The following CPNE4 variants were observed in gnomAD, a reference collection of about 807,000 sequenced individuals.
The protein encoded by CPNE4 is copine-4.
A neutral mutation model predicts 67.9 loss-of-function variants in CPNE4; 25 were observed. The observed-to-expected ratio is 0.37, with a 90% CI of 0.27 to 0.51. CPNE4 has a LOEUF of 0.51. CPNE4 is among the 20% of genes least tolerant of loss of function. The probability of loss-of-function intolerance (pLI) is 0.93; values close to 1 mark genes in which losing one functional copy is unlikely to be tolerated. For missense variants in CPNE4, 464 were observed against 690.8 expected (o/e 0.67, Z 3.68); for synonymous variants, 242 against 244.9 (o/e 0.99, Z 0.11).
At chr3:131,581,027 G>T (rs1217775553) in intron 9 of CPNE4, among the ~76,000 whole-genome samples, 2 of 151,976 alleles carry the variant, frequency 1.3e-5, no homozygotes, top group Non-Finnish European at 2.9e-5. Context: ...GAAAAAATTA[G>T]CTGGGCGTGG....
intron 2 of CPNE4, among the ~76,000 whole-genome samples, chr3:131,758,707 A>G (rs2082813947): frequency 1.3e-5 from 2 of 152,156 alleles, no homozygotes; most frequent in African/African-American, 4.8e-5. Context: ...CTAAACTTGA[A>G]TTGAATCTCC....
chr3:131,842,417 A>G (rs1230246967), intron 2 of CPNE4, among the ~76,000 whole-genome samples: 1 of 152,198 alleles, frequency 6.6e-6, no homozygotes, highest in Non-Finnish European at 1.5e-5. Context: ...AGGGATCCAG[A>G]TGACTGCATG....
chr3:131,542,272 A>G (rs546584208), intron 15 of CPNE4, among the ~76,000 whole-genome samples: 1 of 152,150 alleles, frequency 6.6e-6, no homozygotes, highest in Non-Finnish European at 1.5e-5. Flanking sequence ...GGCAAGCATC[A>G]GTGAAATTTT....
intron 2 of CPNE4, among the ~76,000 whole-genome samples, chr3:131,842,019 T>G (rs1286386237): frequency 2.6e-5 from 4 of 152,024 alleles, no homozygotes; most frequent in Admixed American, 2.6e-4. Context: ...TAGGAATAGA[T>G]GGAATAGAAA....
At chr3:131,958,312 G>A (rs956320234) in intron 1 of CPNE4, among the ~76,000 whole-genome samples, 1 of 152,166 alleles carries the variant, frequency 6.6e-6, no homozygotes, top group Non-Finnish European at 1.5e-5. Flanking sequence ...CAGGCAGCCT[G>A]ATTCTAACAA....
chr3:131,542,527 T>C (rs776786496), intron 15 of CPNE4, 30 bp downstream of exon 15: 75 of 1,486,536 alleles, frequency 5.0e-5, no homozygotes, highest in South Asian at 4.4e-4. Flanking sequence ...TGCTCTTCCA[T>C]GAAAAGTGCC....
intron 7 of CPNE4, among the ~76,000 whole-genome samples, chr3:131,616,486 A>G (rs1215705784): frequency 6.6e-6 from 1 of 152,126 alleles, no homozygotes; most frequent in Non-Finnish European, 1.5e-5. Flanking sequence ...TTCTTGCAAA[A>G]TCTTCCCAAA....
At chr3:131,742,183 A>T (rs546283391) in intron 2 of CPNE4, among the ~76,000 whole-genome samples, 2 of 152,182 alleles carry the variant, frequency 1.3e-5, no homozygotes, top group African/African-American at 4.8e-5. Context: ...AGTAAAGCCA[A>T]TTGCCTTCTC....
intron 1 of CPNE4, among the ~76,000 whole-genome samples, chr3:131,938,295 T>G (rs2071284766): frequency 6.6e-6 from 1 of 151,822 alleles, no homozygotes; most frequent in Non-Finnish European, 1.5e-5. Context: ...AGGTCAAAGC[T>G]GTAGTGAACT....
intron 3 of CPNE4, among the ~76,000 whole-genome samples, chr3:131,718,406 T>C (rs2081793258): frequency 6.6e-6 from 1 of 152,226 alleles, no homozygotes; most frequent in African/African-American, 2.4e-5. Context: ...GACCAGGCTT[T>C]TTCTTTTCTA....
At chr3:131,748,685 TCAAATGC>T (rs1468731489) in intron 2 of CPNE4, among the ~76,000 whole-genome samples, 1 of 152,144 alleles carries the variant, frequency 6.6e-6, no homozygotes, top group Non-Finnish European at 1.5e-5. Flanking sequence ...AGTGACATTG[TCAAATGC>T]CAAATGTCAA....
chr3:131,581,646 T>C lies in CPNE4; in HGVS notation c.800A>G (p.Asn267Ser), dbSNP rs375286668. ...CTTCTTCTTGGCTTTGTACTTGGGA[T>C]TGATGCACTCCCACTGCACCTGAAA... is the stretch of plus-strand genomic sequence containing the variant. ...EGKQVQWECINPKYKAKKKNY... is the reference protein window; with the variant it reads ...EGKQVQWECISPKYKAKKKNY... The change falls in exon 9 of 16, where the codon AAT becomes AGT. Residue 267 changes from asparagine to serine, a missense_variant. Physicochemically the swap from Asn to Ser is conservative, Grantham distance 46 (BLOSUM62 1). Transcript: ENST00000429747. The C allele has an allele frequency of 6.2e-7, 1 of 1,611,312 alleles. No homozygotes were observed. Among genetic ancestry groups the C allele is most frequent in the Non-Finnish European group, 8.5e-7 (1 of 1,177,462 alleles).
intron 1 of CPNE4, among the ~76,000 whole-genome samples, chr3:131,990,251 C>T (rs11709178): frequency 0.63 from 84,611 of 134,854 alleles, 33,987 homozygotes; most frequent in South Asian, 0.83. Flanking sequence ...TTTAGTTTTA[C>T]GAAAGAATAA....
At chr3:132,033,390 AGTGTGTGTGTGTGTCTGTGTGTGTGTGT>A (rs1003660697) in intron 1 of CPNE4, among the ~76,000 whole-genome samples, 40 of 111,764 alleles carry the variant, frequency 3.6e-4, no homozygotes, top group Admixed American at 6.5e-4. Flanking sequence ...AGAGTGTGTG[AGTGTGTGTGTGTGTCTGTGTGTGTGTGT>A]GTGTGTGTGT....
At chr3:131,638,406 A>G (rs1015959818) in intron 7 of CPNE4, among the ~76,000 whole-genome samples, 1 of 151,804 alleles carries the variant, frequency 6.6e-6, no homozygotes, top group African/African-American at 2.4e-5. Context: ...TGAAAGCAGC[A>G]GCAGTTAAAA....
At chr3:131,811,234 A>G (rs1417239520) in intron 2 of CPNE4, among the ~76,000 whole-genome samples, 1 of 152,100 alleles carries the variant, frequency 6.6e-6, no homozygotes, top group Non-Finnish European at 1.5e-5. Flanking sequence ...AGGAGGTGGG[A>G]GAAAACTTTA....
chr3:131,826,406 C>T (rs192724137), intron 2 of CPNE4, among the ~76,000 whole-genome samples: 1 of 152,072 alleles, frequency 6.6e-6, no homozygotes, highest in Non-Finnish European at 1.5e-5. Context: ...CTATATTGCC[C>T]AGGCTGCTCT....
intron 2 of CPNE4, 79 bp downstream of exon 2, chr3:131,905,185 C>A (rs1463592264): frequency 8.0e-7 from 1 of 1,247,680 alleles, no homozygotes; most frequent in Non-Finnish European, 1.1e-6. Context: ...AAATAAACCA[C>A]CTGAAGATAT....
rs146204302 is a variant in CPNE4, at chr3:131,603,727, C to T, written c.682-16145G>A. Among the ~76,000 whole-genome samples, 3 of 152,208 alleles carry T rather than the reference C, an allele frequency of 2.0e-5. No homozygotes were observed. In the East Asian group the frequency reaches 5.8e-4, roughly 29 times the overall value. ...TCCACATCTCACATTGGAGAGACAC[C>T]ATGAGGAGACAGGCATTTTGAAGAA... On this transcript the variant is annotated intron_variant, in intron 7 of 15. Transcript: ENST00000429747.
Sources: gnomAD v4.1 joint callset for allele counts (sites outside exome capture counted in the v4.1 genomes callset) on GRCh38, gnomAD v4.1.1 for gene constraint, MANE v1.5 for transcripts, NCBI Gene and HGNC (gene_info 2026-07-23, HGNC 2026-07-21) for gene names.